Variants in TUFT1 observed in about 807,000 individuals in gnomAD.
The protein encoded by TUFT1 is tuftelin.
TUFT1 carries 43 observed loss-of-function variants against 57.8 expected under a neutral mutation model. That is an observed-to-expected ratio of 0.74 (90% CI 0.58 to 0.96). The LOEUF (loss-of-function observed/expected upper bound fraction) is 0.96, where lower values mean the gene tolerates loss of function less well. Ranked by LOEUF, TUFT1 falls within the 40% of genes least tolerant of loss-of-function variation. The probability of loss-of-function intolerance (pLI) is 0.00; values close to 1 mark genes in which losing one functional copy is unlikely to be tolerated. For synonymous variants in TUFT1, 166 were observed against 176.7 expected (o/e 0.94, Z 0.48); for missense variants, 459 against 489.0 (o/e 0.94, Z 0.58).
intron 1 of TUFT1, among the ~76,000 whole-genome samples, chr1:151,542,308 C>T (rs1247899803): frequency 6.6e-6 from 1 of 152,040 alleles, no homozygotes; most frequent in African/African-American, 2.4e-5. Context: ...GCAACCTCCA[C>T]CTCCTGGTTT....
At chr1:151,562,865 G>T (rs933073119) in intron 3 of TUFT1, among the ~76,000 whole-genome samples, 179 bp downstream of exon 3, 2 of 152,166 alleles carry the variant, frequency 1.3e-5, no homozygotes, top group African/African-American at 2.4e-5. Context: ...GGAGACTACA[G>T]TCTGCCTGTT....
In TUFT1 at chr1:151,569,648, T is replaced by G; in HGVS notation, c.481-9T>G. ...GGGCTTCCCCTTCCCTTCCTTGTTC[T>G]GGCTGTAGGTGGACACCTGTATAAA... is the stretch of plus-strand genomic sequence containing the variant. On this transcript the variant is annotated splice_polypyrimidine_tract_variant and intron_variant, in intron 6 of 12. Transcript: ENST00000368849. The G allele has an allele frequency of 6.2e-7, 1 of 1,611,790 alleles. No homozygotes were observed. The highest frequency in any genetic ancestry group is 1.1e-5 in the South Asian group (1 of 90,894).
intron 1 of TUFT1, among the ~76,000 whole-genome samples, chr1:151,559,604 A>T (rs1275194929): frequency 6.6e-6 from 1 of 152,102 alleles, no homozygotes; most frequent in Admixed American, 6.5e-5. Context: ...CTTGCATGCC[A>T]CTCTAAGGAT....
chr1:151,578,120 C>G (rs1181212770), intron 9 of TUFT1, among the ~76,000 whole-genome samples: 1 of 151,970 alleles, frequency 6.6e-6, no homozygotes, highest in Non-Finnish European at 1.5e-5. Context: ...TGAGACTGGC[C>G]ACTTTCTGAC....
At chr1:151,555,251 C>T (rs1435135462) in intron 1 of TUFT1, among the ~76,000 whole-genome samples, 1 of 150,310 alleles carries the variant, frequency 6.7e-6, no homozygotes, top group East Asian at 2.0e-4. Flanking sequence ...ATTGCTTGAA[C>T]TGGGGAGTCA....
chr1:151,566,274 G>A (rs1247928489), intron 6 of TUFT1, 46 bp downstream of exon 6: 1 of 1,516,650 alleles, frequency 6.6e-7, no homozygotes, highest in East Asian at 2.3e-5. Flanking sequence ...GCCAGGGGCA[G>A]GATTGCCTCC....
chr1:151,565,374 G>A (rs1666034311), intron 5 of TUFT1, among the ~76,000 whole-genome samples: 1 of 152,258 alleles, frequency 6.6e-6, no homozygotes, highest in Admixed American at 6.5e-5. Flanking sequence ...TTGCATTTTG[G>A]TTCAGGCAGA....
At chr1:151,551,145 T>C (rs1186952958) in intron 1 of TUFT1, among the ~76,000 whole-genome samples, 1 of 152,222 alleles carries the variant, frequency 6.6e-6, no homozygotes, top group Non-Finnish European at 1.5e-5. Flanking sequence ...CCTATTCCAT[T>C]AGCCACTTGT....
rs575460145 is a variant in TUFT1 at position 151,549,542 on chromosome 1, G to A, written c.60+9116G>A. The stretch of plus-strand genomic sequence containing the variant: ...TGCTGCTTCACCCTTGTGAAGAGAT[G>A]TATGGTTTGCAAATCACTTTTACAT... On this transcript the variant is annotated intron_variant, in intron 1 of 12. Coordinates refer to ENST00000368849, the MANE Select transcript of TUFT1 (RefSeq NM_020127.3). 3.3e-5 allele frequency among the ~76,000 whole-genome samples: 5 copies of A among 152,344 alleles called. No individual in the cohort carries two copies. In the South Asian group the frequency reaches 8.3e-4, roughly 25 times the overall value.
intron 8 of TUFT1, among the ~76,000 whole-genome samples, chr1:151,574,639 G>T (rs531734287): frequency 6.6e-6 from 1 of 152,310 alleles, no homozygotes; most frequent in Admixed American, 6.5e-5. Flanking sequence ...TTGAAGTCCT[G>T]GTTTCTCAGG....
At chr1:151,570,570 A>G (rs986400037) in intron 7 of TUFT1, among the ~76,000 whole-genome samples, 1 of 152,124 alleles carries the variant, frequency 6.6e-6, no homozygotes, top group Non-Finnish European at 1.5e-5. Flanking sequence ...ACGAGCCACC[A>G]TGCCCGGCCT....
Position 151,562,651 on chromosome 1 carries a change from G to C in TUFT1, c.202G>C (p.Val68Leu). The C allele has an allele frequency of 6.2e-7, 1 of 1,613,408 alleles. No homozygotes were observed. The highest frequency in any genetic ancestry group is 8.5e-7 in the Non-Finnish European group (1 of 1,180,024). Residue 68 changes from valine to leucine, a missense_variant, in exon 3 of 13, where the codon GTG (valine) becomes CTG (leucine). Val to Leu is a conservative substitution (Grantham distance 32). Transcript: ENST00000368849. ...TGGTCATTCTCTGGCTTCAGAACTG[G>C]TGGAGTCCCATGATGGACATGAGGA... ...SAGHSLASEL[V>L]ESHDGHEEII...
intron 1 of TUFT1, among the ~76,000 whole-genome samples, chr1:151,544,692 G>T (rs1665277926): frequency 6.6e-6 from 1 of 152,194 alleles, no homozygotes; most frequent in African/African-American, 2.4e-5. Flanking sequence ...ATATGTGCAT[G>T]ATTTTAAAGT....
In TUFT1 at chr1:151,544,745, G is replaced by C. The variant is rs1665279407; in HGVS notation, c.60+4319G>C. Among the ~76,000 whole-genome samples the C allele has an allele frequency of 5.3e-5, 8 of 152,254 alleles. 1 individual carries two copies. In the South Asian group the frequency reaches 1.7e-3, roughly 32 times the overall value. The stretch of plus-strand genomic sequence containing the variant: ...ATCAAAAGGCTTTTAAAAGAAAATA[G>C]CAGTCCCCTGCTCCAAGTTCTGCTC... On this transcript the variant is annotated intron_variant, in intron 1 of 12. Coordinates refer to ENST00000368849, the MANE Select transcript of TUFT1 (RefSeq NM_020127.3).
chr1:151,562,280 C>G, intron 2 of TUFT1, 115 bp downstream of exon 2: 1 of 921,894 alleles, frequency 1.1e-6, no homozygotes, highest in East Asian at 2.4e-5. Context: ...CGTGGGAGCC[C>G]CTCCTTTCAG....
At chr1:151,554,165 G>A (rs921573136) in intron 1 of TUFT1, among the ~76,000 whole-genome samples, 2 of 152,124 alleles carry the variant, frequency 1.3e-5, no homozygotes, top group Non-Finnish European at 2.9e-5. Flanking sequence ...ACCATGGCAC[G>A]TTTGTCATAT....
At chr1:151,551,461 A>T (rs1193631101) in intron 1 of TUFT1, among the ~76,000 whole-genome samples, 1 of 152,170 alleles carries the variant, frequency 6.6e-6, no homozygotes, top group Non-Finnish European at 1.5e-5. Context: ...CTCCTTGTTA[A>T]AGTGCAGGAT....
At chr1:151,546,284 C>T (rs537338486) in intron 1 of TUFT1, among the ~76,000 whole-genome samples, 1 of 152,202 alleles carries the variant, frequency 6.6e-6, no homozygotes, top group East Asian at 1.9e-4. Flanking sequence ...CCAAGTCTTT[C>T]CAGAGCCTCA....
intron 1 of TUFT1, among the ~76,000 whole-genome samples, chr1:151,561,370 G>A (rs1033375947): frequency 1.6e-4 from 24 of 151,510 alleles, no homozygotes; most frequent in African/African-American, 5.8e-4. Flanking sequence ...ACAAAAATTA[G>A]ATGGGCATAT....
Sources: gnomAD v4.1 joint callset for allele counts (sites outside exome capture counted in the v4.1 genomes callset) on GRCh38, gnomAD v4.1.1 for gene constraint, MANE v1.5 for transcripts, NCBI Gene and HGNC (gene_info 2026-07-23, HGNC 2026-07-21) for gene names.